Variants in KAZN observed in about 807,000 individuals in gnomAD.
KAZN encodes kazrin.
Under a neutral mutation model 87.4 loss-of-function variants are expected in KAZN, and 40 were observed. The observed-to-expected ratio is 0.46, with a 90% CI of 0.36 to 0.60. The LOEUF is 0.60. KAZN is among the 20% of genes least tolerant of loss of function. The probability of loss-of-function intolerance (pLI) is 0.00; values close to 1 mark genes in which losing one functional copy is unlikely to be tolerated. For synonymous variants in KAZN, 466 were observed against 458.3 expected (o/e 1.02, Z -0.22); for missense variants, 898 against 1,073.9 (o/e 0.84, Z 2.29).
chr1:14,971,424 C>T (rs750604248), intron 2 of KAZN, among the ~76,000 whole-genome samples: 3 of 152,028 alleles, frequency 2.0e-5, no homozygotes, highest in South Asian at 2.1e-4. Context: ...AAAAGAAAAT[C>T]TTCTACGGCC....
intron 1 of KAZN, among the ~76,000 whole-genome samples, chr1:14,007,772 G>A (rs1400840049): frequency 6.6e-6 from 1 of 152,150 alleles, no homozygotes; most frequent in Non-Finnish European, 1.5e-5. Context: ...AATAAAACAC[G>A]TGTTCTACTT....
At chr1:14,567,323 G>C (rs986605149) in intron 2 of KAZN, among the ~76,000 whole-genome samples, 1 of 152,106 alleles carries the variant, frequency 6.6e-6, no homozygotes, top group African/African-American at 2.4e-5. Flanking sequence ...ATCTTATATT[G>C]TTGTGGTTCA....
At chr1:14,709,564 A>G (rs1052663948) in intron 1 of KAZN, among the ~76,000 whole-genome samples, 1 of 152,196 alleles carries the variant, frequency 6.6e-6, no homozygotes, top group Non-Finnish European at 1.5e-5. Flanking sequence ...TGTGCCAAGC[A>G]GACGGTCCAC....
intron 2 of KAZN, among the ~76,000 whole-genome samples, chr1:14,224,942 A>G (rs946285288): frequency 1.3e-5 from 2 of 152,224 alleles, no homozygotes; most frequent in Non-Finnish European, 2.9e-5. Context: ...AGAGAAAGTA[A>G]TTTATCTAAA....
chr1:14,857,415 A>T (rs1650265246), intron 1 of KAZN, among the ~76,000 whole-genome samples: 1 of 152,082 alleles, frequency 6.6e-6, no homozygotes, highest in Non-Finnish European at 1.5e-5. Context: ...GGTGGCACAC[A>T]TTTGTGGTCC....
intron 1 of KAZN, among the ~76,000 whole-genome samples, chr1:14,017,657 C>A (rs577327833): frequency 1.3e-5 from 2 of 152,344 alleles, no homozygotes; most frequent in South Asian, 4.1e-4. Context: ...GGGTTCAGTG[C>A]AGCTCTTGAG....
chr1:14,887,666 G>GT (rs79148240), intron 1 of KAZN, among the ~76,000 whole-genome samples: 24,038 of 137,058 alleles, frequency 0.18, 2,634 homozygotes, highest in East Asian at 0.34. Flanking sequence ...CGTCGTGGTA[G>GT]TTTTTTTTTT....
intron 2 of KAZN, among the ~76,000 whole-genome samples, chr1:14,547,858 G>A (rs1673258888): frequency 6.6e-6 from 1 of 151,948 alleles, no homozygotes; most frequent in South Asian, 2.1e-4. Context: ...CAAAGTGCTG[G>A]GATAACTCAT....
At chr1:14,210,861 T>G (rs889617270) in intron 2 of KAZN, among the ~76,000 whole-genome samples, 2 of 152,174 alleles carry the variant, frequency 1.3e-5, no homozygotes, top group African/African-American at 4.8e-5. Context: ...ACACGTAGAA[T>G]CTTAAATCTG....
intron 1 of KAZN, among the ~76,000 whole-genome samples, chr1:14,710,919 C>T (rs1557906809): frequency 1.3e-5 from 2 of 152,148 alleles, no homozygotes; most frequent in Non-Finnish European, 2.9e-5. Context: ...TACAGTAGCT[C>T]ACATCTGTAA....
intron 8 of KAZN, among the ~76,000 whole-genome samples, chr1:15,087,189 C>T (rs944662971): frequency 6.6e-6 from 1 of 152,174 alleles, no homozygotes; most frequent in Admixed American, 6.5e-5. Context: ...ATGCAAGCCA[C>T]ATGTGTAACT....
intron 1 of KAZN, among the ~76,000 whole-genome samples, chr1:14,617,335 A>G (rs1678330733): frequency 6.6e-6 from 1 of 152,228 alleles, no homozygotes; most frequent in Non-Finnish European, 1.5e-5. Context: ...TATTAAGTGT[A>G]CAATAGCATT....
chr1:14,503,209 C>T (rs1164389119), intron 2 of KAZN, among the ~76,000 whole-genome samples: 1 of 151,896 alleles, frequency 6.6e-6, no homozygotes, highest in East Asian at 1.9e-4. Context: ...ACTGGCCGTG[C>T]GTGGTGGCTC....
intron 2 of KAZN, among the ~76,000 whole-genome samples, chr1:14,190,436 T>C: frequency 6.6e-6 from 1 of 152,178 alleles, no homozygotes; most frequent in East Asian, 1.9e-4. Flanking sequence ...TAAAGCCACA[T>C]AGCTAGTGAA....
intron 2 of KAZN, among the ~76,000 whole-genome samples, chr1:15,012,425 G>A (rs138451888): frequency 6.6e-6 from 1 of 152,148 alleles, no homozygotes; most frequent in Non-Finnish European, 1.5e-5. Flanking sequence ...AGGATGGGGG[G>A]TTGGAGAACA....
rs116283166 is a variant in KAZN, at chr1:14,668,181, G to A, written c.226+68958G>A. Among the ~76,000 whole-genome samples, 791 of 152,254 alleles carry A rather than the reference G, an allele frequency of 5.2e-3. 7 individuals are homozygous for A. The highest frequency in any genetic ancestry group is 0.018 in the African/African-American group (748 of 41,556). On this transcript the variant is annotated intron_variant, in intron 1 of 14. Coordinates refer to ENST00000376030, the MANE Select transcript of KAZN (RefSeq NM_201628.3). The stretch of plus-strand genomic sequence containing the variant: ...GGAAATGAAAGTCTCCGAGAAACCT[G>A]GGAACTTCATATGTAATTTCCTTTC...
intron 2 of KAZN, among the ~76,000 whole-genome samples, chr1:14,466,828 T>G (rs898147503): frequency 2.4e-4 from 37 of 152,034 alleles, no homozygotes; most frequent in African/African-American, 8.4e-4. Context: ...AATTAGCCTG[T>G]TGTGGTGGCG....
chr1:14,099,823 C>G (rs1290954134), intron 1 of KAZN, among the ~76,000 whole-genome samples: 1 of 152,200 alleles, frequency 6.6e-6, no homozygotes. Context: ...CCTAAGCTAG[C>G]TTAGAAATAA....
Position 14,055,988 on chromosome 1 carries a change from C to A in KAZN, c.92-124447C>A, listed in dbSNP as rs116238000. ...CATCAAGCTAGCCTACCCTCTACCC[C>A]CTCTTATCACCACCTTAATCTGAAT... On this transcript the variant is annotated intron_variant, in intron 1 of 16. Transcript: ENST00000636203. Among the ~76,000 whole-genome samples, 18 of 152,300 alleles carry A rather than the reference C, an allele frequency of 1.2e-4. No homozygotes were observed. The East Asian group carries it at 3.3e-3, about 28-fold the overall frequency.
Sources: gnomAD v4.1 joint callset for allele counts (sites outside exome capture counted in the v4.1 genomes callset) on GRCh38, gnomAD v4.1.1 for gene constraint, MANE v1.5 for transcripts, NCBI Gene and HGNC (gene_info 2026-07-23, HGNC 2026-07-21) for gene names.